Variants in RGPD4 observed in about 807,000 individuals in gnomAD.
RGPD4 encodes RANBP2 like and GRIP domain containing 4, also known as ranBP2-like and GRIP domain-containing protein 4.
RGPD4 carries 84 observed loss-of-function variants against 141.1 expected under a neutral mutation model. The ratio of observed to expected loss-of-function variants is 0.60; its 90% CI spans 0.50 to 0.71. The LOEUF (loss-of-function observed/expected upper bound fraction) is 0.71, where lower values mean the gene tolerates loss of function less well. RGPD4 is among the 30% of genes least tolerant of loss of function. RGPD4 has a pLI of 0.00. For missense variants in RGPD4, 918 were observed against 1,622.4 expected, an observed-to-expected ratio of 0.57 and a Z score of 7.46; for synonymous variants, 298 against 566.8, an observed-to-expected ratio of 0.53 and a Z score of 6.74.
intron 22 of RGPD4, chr2:107,883,096 C>G (rs1254787478): frequency 1.5e-6 from 1 of 660,612 alleles, no homozygotes; most frequent in Non-Finnish European, 2.7e-6. Context: ...ACAATAAGTG[C>G]TTAGCTTGAT....
At chr2:107,827,691 G>C (rs1430165963) in intron 1 of RGPD4, among the ~76,000 whole-genome samples, 2 of 53,886 alleles carry the variant, frequency 3.7e-5, no homozygotes, top group African/African-American at 1.7e-4. Flanking sequence ...CGACCTGGCT[G>C]GGCGGCGGCG....
chr2:107,858,338 T>C (rs1682401227), intron 9 of RGPD4, among the ~76,000 whole-genome samples: 1 of 152,234 alleles, frequency 6.6e-6, no homozygotes, highest in Non-Finnish European at 1.5e-5. Flanking sequence ...TCTTTAAGTC[T>C]TGCAAATTGC....
chr2:107,858,310 A>G (rs899232576), intron 9 of RGPD4, among the ~76,000 whole-genome samples: 1 of 152,150 alleles, frequency 6.6e-6, no homozygotes, highest in Admixed American at 6.5e-5. Context: ...ATAATTACTG[A>G]GACAAAGGAC....
At chr2:107,880,353 T>C (rs6713451) in intron 21 of RGPD4, among the ~76,000 whole-genome samples, 5,422 of 123,062 alleles carry the variant, frequency 0.044, 395 homozygotes, top group African/African-American at 0.16. Flanking sequence ...AAGCTCCACC[T>C]CCCAGGTTCA....
chr2:107,853,916 TAA>T (rs1333714003), intron 7 of RGPD4, among the ~76,000 whole-genome samples: 4 of 101,492 alleles, frequency 3.9e-5, no homozygotes, highest in African/African-American at 1.2e-4. Flanking sequence ...CCTGGCTAAT[TAA>T]AAAAAACTTT....
chr2:107,830,343 TAAAAAA>T (rs10547790), intron 1 of RGPD4, among the ~76,000 whole-genome samples: 2 of 140,572 alleles, frequency 1.4e-5, no homozygotes, highest in African/African-American at 5.3e-5. Flanking sequence ...TAAACAAGCT[TAAAAAA>T]AAAAAAAAAA....
At chr2:107,886,054 CA>C (rs199917332) in intron 22 of RGPD4, among the ~76,000 whole-genome samples, 89,037 of 126,746 alleles carry the variant, frequency 0.7, 31,297 homozygotes, top group Middle Eastern at 0.8. Flanking sequence ...ACTCTTATCT[CA>C]AAAAAAAAAA....
intron 7 of RGPD4, among the ~76,000 whole-genome samples, chr2:107,854,205 G>T (rs952882293): frequency 2.9e-5 from 4 of 138,472 alleles, no homozygotes; most frequent in Non-Finnish European, 6.2e-5. Context: ...ACAGGTGTGT[G>T]CCACCACGCC....
At chr2:107,878,264 C>T (rs13420081) in intron 20 of RGPD4, among the ~76,000 whole-genome samples, 286 of 149,418 alleles carry the variant, frequency 1.9e-3, no homozygotes, top group East Asian at 0.018. Context: ...AACAATCTCA[C>T]ACTTAACCTT....
intron 9 of RGPD4, among the ~76,000 whole-genome samples, chr2:107,858,397 C>CCTTTT (rs76894491): frequency 0.27 from 37,368 of 140,168 alleles, 2,346 homozygotes; most frequent in East Asian, 0.39. Flanking sequence ...AAGCACATAA[C>CCTTTT]CTTTTCTTTT....
Position 107,859,532 on chromosome 2 carries a change from A to G in RGPD4, c.1612A>G (p.Thr538Ala), listed in dbSNP as rs1414962651. ...RQKSWWDAVC[T>A]LIHRKAVPGN... is the part of the protein sequence containing the mutation. ...AAAATCTTGGTGGGATGCGGTTTGT[A>G]CTCTGATTCACAGAAAAGCAGTGTA... The change falls in exon 11 of 23, where the codon ACT (threonine) becomes GCT (alanine). Residue 538 changes from threonine (T) to alanine (A), a missense_variant. By Grantham distance (58) the Thr-to-Ala change is moderately conservative. Transcript: ENST00000408999. 8 of 1,611,278 alleles carry G rather than the reference A, an allele frequency of 5.0e-6. No homozygotes were observed. Among genetic ancestry groups the G allele is most frequent in the Non-Finnish European group, 5.9e-6 (7 of 1,179,824 alleles).
chr2:107,829,762 A>G (rs1681404582), intron 1 of RGPD4, among the ~76,000 whole-genome samples: 3 of 151,580 alleles, frequency 2.0e-5, no homozygotes, highest in Non-Finnish European at 4.4e-5. Flanking sequence ...CTTGTTCCCG[A>G]CGGTGCTCGC....
In RGPD4 at chr2:107,853,850, T is replaced by C. The variant is rs1337823952; in HGVS notation, c.979-706T>C. Reference sequence around the variant, plus strand: ...GCAGCCTTGACCTCCTGGATTTAAGTGATCCTCCTGCCTCAGCCTCCTGAG... The same window carrying C: ...GCAGCCTTGACCTCCTGGATTTAAGCGATCCTCCTGCCTCAGCCTCCTGAG... On this transcript the variant is annotated intron_variant, in intron 7 of 22. Transcript: ENST00000408999. 1.3e-3 allele frequency among the ~76,000 whole-genome samples: 105 copies of C among 79,638 alleles called. 1 individual carries two copies. The highest frequency in any genetic ancestry group is 2.5e-3 in the Admixed American group (17 of 6,792). The allele number at this position is 79,638 out of a possible 152,430, so 52.2% of individuals were successfully genotyped here. A position where few individuals can be genotyped will look rare whatever the true frequency, so the allele number is the denominator to read the frequency against.
At chr2:107,844,823 C>CTTTTTTTTTTTTTTTTTTT (rs1681859511) in intron 6 of RGPD4, among the ~76,000 whole-genome samples, 1 of 53,856 alleles carries the variant, frequency 1.9e-5, no homozygotes, top group Non-Finnish European at 4.1e-5. Context: ...TTCTTTCTTT[C>CTTTTTTTTTTTTTTTTTTT]TTTTTTGTTT....
intron 6 of RGPD4, among the ~76,000 whole-genome samples, chr2:107,846,044 A>G (rs1681929969): frequency 4.5e-5 from 5 of 111,580 alleles, no homozygotes; most frequent in Admixed American, 4.3e-4. Flanking sequence ...CTCCTGCCTC[A>G]GCCTCCCGAG....
At chr2:107,844,505 T>C (rs1306213110) in intron 6 of RGPD4, among the ~76,000 whole-genome samples, 2 of 152,174 alleles carry the variant, frequency 1.3e-5, no homozygotes, top group East Asian at 3.8e-4. Flanking sequence ...AGAAAAAGTT[T>C]ACTGATTGCT....
chr2:107,878,108 G>T (rs974613415), intron 20 of RGPD4, among the ~76,000 whole-genome samples: 1 of 150,610 alleles, frequency 6.6e-6, no homozygotes, highest in Non-Finnish European at 1.5e-5. Context: ...CACCACGCCC[G>T]GCCTTGATGA....
At chr2:107,885,750 CTCTT>C (rs1675494087) in intron 22 of RGPD4, among the ~76,000 whole-genome samples, 1 of 152,026 alleles carries the variant, frequency 6.6e-6, no homozygotes, top group African/African-American at 2.4e-5. Context: ...CTTACATTCT[CTCTT>C]TAAGAGAGAG....
chr2:107,831,615 G>A (rs1249062202), intron 1 of RGPD4, among the ~76,000 whole-genome samples: 11 of 97,630 alleles, frequency 1.1e-4, no homozygotes, highest in East Asian at 2.7e-4. Flanking sequence ...TCGCTCTATC[G>A]TCCAGGCTGG....
Sources: allele counts gnomAD v4.1 joint callset (sites outside exome capture counted in the v4.1 genomes callset), GRCh38; gene constraint gnomAD v4.1.1; transcripts MANE v1.5; gene names NCBI Gene and HGNC (gene_info 2026-07-23, HGNC 2026-07-21).